FCHO2: variants seen among roughly 807,000 people sequenced by gnomAD.
FCHO2 encodes the protein FCH and mu domain containing endocytic adaptor 2.
FCHO2 carries 43 observed loss-of-function variants against 114.1 expected under a neutral mutation model. The ratio of observed to expected loss-of-function variants is 0.38; its 90% confidence interval spans 0.30 to 0.49. The LOEUF (loss-of-function observed/expected upper bound fraction) is 0.49. Ranked by LOEUF, FCHO2 falls within the 20% of genes least tolerant of loss-of-function variation. The pLI is 0.97. For missense variants in FCHO2, 807 were observed against 950.4 expected (o/e 0.85, Z 1.98); for synonymous variants, 293 against 315.2 (o/e 0.93, Z 0.75).
chr5:73,064,151 G>A (rs1046552345), intron 18 of FCHO2, among the ~76,000 whole-genome samples: 1 of 152,044 alleles, frequency 6.6e-6, no homozygotes, highest in African/African-American at 2.4e-5. Flanking sequence ...TGTCCAGGAG[G>A]AAAGAGATTT....
At chr5:73,050,834 T>A (rs1757307663) in intron 11 of FCHO2, among the ~76,000 whole-genome samples, 1 of 152,166 alleles carries the variant, frequency 6.6e-6, no homozygotes, top group African/African-American at 2.4e-5. Flanking sequence ...ACACATGGTG[T>A]CTGGTTGTCA....
At chr5:73,054,370 GT>G (rs1216561167) in intron 14 of FCHO2, among the ~76,000 whole-genome samples, 154 bp from the exon 15 acceptor site, 1 of 152,006 alleles carries the variant, frequency 6.6e-6, no homozygotes, top group Non-Finnish European at 1.5e-5. Context: ...AAAAACTACT[GT>G]TTTTTCTCTA....
At chr5:73,042,996 A>C (rs942011148) in intron 11 of FCHO2, among the ~76,000 whole-genome samples, 1 of 152,184 alleles carries the variant, frequency 6.6e-6, no homozygotes, top group Non-Finnish European at 1.5e-5. Flanking sequence ...TTGTGTGATC[A>C]TAGCTCACTG....
At chr5:72,969,480 C>T (rs1297658865) in intron 2 of FCHO2, among the ~76,000 whole-genome samples, 1 of 152,212 alleles carries the variant, frequency 6.6e-6, no homozygotes, top group African/African-American at 2.4e-5. Context: ...CTGGGTAAGG[C>T]TCTCCTTCCT....
At chr5:73,048,032 A>T (rs1757144727) in intron 11 of FCHO2, among the ~76,000 whole-genome samples, 1 of 152,032 alleles carries the variant, frequency 6.6e-6, no homozygotes, top group African/African-American at 2.4e-5. Context: ...ATGAGATATG[A>T]CTATATTGCC....
At chr5:73,075,342 A>G (rs1361472003) in intron 20 of FCHO2, among the ~76,000 whole-genome samples, 1 of 152,162 alleles carries the variant, frequency 6.6e-6, no homozygotes, top group Non-Finnish European at 1.5e-5. Flanking sequence ...AGCCATGCAG[A>G]TATCTGAGGA....
At chr5:73,015,301 C>T (rs1473421740) in intron 6 of FCHO2, among the ~76,000 whole-genome samples, 3 of 150,498 alleles carry the variant, frequency 2.0e-5, no homozygotes, top group Admixed American at 6.6e-5. Flanking sequence ...CTCGCTCTGT[C>T]GCCCAGGCTC....
intron 24 of FCHO2, among the ~76,000 whole-genome samples, chr5:73,083,434 T>C (rs1338447922): frequency 1.3e-5 from 2 of 152,240 alleles, no homozygotes; most frequent in African/African-American, 4.8e-5. Flanking sequence ...ATTTACATGC[T>C]AACATTAAGA....
At chr5:73,041,781 G>T (rs941765341) in intron 11 of FCHO2, among the ~76,000 whole-genome samples, 2 of 152,026 alleles carry the variant, frequency 1.3e-5, no homozygotes, top group Non-Finnish European at 2.9e-5. Context: ...TTAAAGAAGG[G>T]TTGCTTATAT....
At chr5:72,979,430 C>T (rs1197673188) in intron 2 of FCHO2, among the ~76,000 whole-genome samples, 12 of 108,912 alleles carry the variant, frequency 1.1e-4, no homozygotes, top group Non-Finnish European at 1.8e-4. Flanking sequence ...CTCGCTCTGT[C>T]GCCCAGGCTG....
intron 8 of FCHO2, among the ~76,000 whole-genome samples, chr5:73,021,866 A>G (rs1202297872): frequency 6.6e-6 from 1 of 152,234 alleles, no homozygotes; most frequent in Non-Finnish European, 1.5e-5. Flanking sequence ...CTAAATAATT[A>G]TGGTTAATGT....
chr5:73,035,480 AC>A (rs913598060), intron 9 of FCHO2, among the ~76,000 whole-genome samples: 4 of 151,772 alleles, frequency 2.6e-5, no homozygotes, highest in Non-Finnish European at 4.4e-5. Flanking sequence ...GCTAGCTTAA[AC>A]CTAAGGTCTC....
chr5:72,983,957 G>A (rs1003993092), intron 2 of FCHO2, among the ~76,000 whole-genome samples: 2 of 151,962 alleles, frequency 1.3e-5, no homozygotes, highest in African/African-American at 4.8e-5. Flanking sequence ...GTGACTAATA[G>A]CAAAGAATTT....
At chr5:72,965,410 CAG>C (rs770116986) in intron 1 of FCHO2, among the ~76,000 whole-genome samples, 21 of 152,110 alleles carry the variant, frequency 1.4e-4, no homozygotes, top group Non-Finnish European at 2.2e-4. Context: ...CTAATGCTAA[CAG>C]GGAAGAAGTG....
chr5:73,005,941 C>T (rs1390673268), intron 5 of FCHO2, among the ~76,000 whole-genome samples: 1 of 152,052 alleles, frequency 6.6e-6, no homozygotes, highest in Non-Finnish European at 1.5e-5. Flanking sequence ...ATCAAGGAAA[C>T]CAGCCTTCAC....
chr5:73,055,986 G>A (rs1479563934), intron 15 of FCHO2, 79 bp from the exon 16 acceptor site: 2 of 924,420 alleles, frequency 2.2e-6, no homozygotes, highest in African/African-American at 3.4e-5. Flanking sequence ...GTTGAGATAT[G>A]TGTATAGAGT....
At chr5:73,013,097 A>T (rs1057260659) in intron 6 of FCHO2, among the ~76,000 whole-genome samples, 1 of 152,218 alleles carries the variant, frequency 6.6e-6, no homozygotes, top group Admixed American at 6.5e-5. Flanking sequence ...AGTTCTTGAG[A>T]GTAATTCAGG....
intron 24 of FCHO2, among the ~76,000 whole-genome samples, chr5:73,085,813 TAAATAAATAAATAAG>T (rs1743287958): frequency 3.3e-5 from 2 of 60,754 alleles, no homozygotes; most frequent in South Asian, 1.0e-3. Flanking sequence ...AATAAATAAA[TAAATAAATAAATAAG>T]AATGCTGTAA....
chr5:73,012,038 A>T (rs1403974737), intron 6 of FCHO2, among the ~76,000 whole-genome samples: 1 of 152,176 alleles, frequency 6.6e-6, no homozygotes, highest in East Asian at 1.9e-4. Flanking sequence ...CTAATAATAA[A>T]AAGTGTAGTT....
Sources: allele counts gnomAD v4.1 joint callset (sites outside exome capture counted in the v4.1 genomes callset), GRCh38; gene constraint gnomAD v4.1.1; transcripts MANE v1.5; gene names NCBI Gene and HGNC (gene_info 2026-07-23, HGNC 2026-07-21).